Variants in B9D2 observed in about 807,000 individuals in gnomAD.
B9D2 encodes B9 domain containing 2, also known as B9 domain-containing protein 2.
Under a neutral mutation model 19.2 loss-of-function variants are expected in B9D2, and 21 were observed. The observed-to-expected ratio is 1.09, with a 90% CI of 0.78 to 1.58. The LOEUF (loss-of-function observed/expected upper bound fraction) is 1.58. Among genes scored for constraint, B9D2 ranks in the 40% most tolerant of loss-of-function variants. The pLI, the probability that B9D2 is intolerant of heterozygous loss-of-function variation, is 0.00. For missense variants in B9D2, 221 were observed against 244.3 expected, an observed-to-expected ratio of 0.90 and a Z score of 0.64; for synonymous variants, 91 against 100.6, an observed-to-expected ratio of 0.90 and a Z score of 0.57.
Position 41,363,531 on chromosome 19 carries a change from G to A in B9D2, c.-4-8C>T. On this transcript the variant is annotated splice_region_variant and splice_polypyrimidine_tract_variant and intron_variant, in intron 1 of 3. Coordinates refer to ENST00000243578, the MANE Select transcript of B9D2 (RefSeq NM_030578.4). ...TGCACCTCAGCCATGGCCCTGGGAG[G>A]GGAAAAATATAATCACAACCCTGTG... 2 of 1,612,942 alleles carry A rather than the reference G, an allele frequency of 1.2e-6. No individual in the cohort carries two copies. The highest frequency in any genetic ancestry group is 8.5e-7 in the Non-Finnish European group (1 of 1,179,112).
Position 41,354,563 on chromosome 19 carries a change from G to T in B9D2, c.*137C>A. 1.7e-6 allele frequency: 2 copies of T among 1,187,740 alleles called. No individual in the cohort carries two copies. The highest frequency in any genetic ancestry group is 2.4e-6 in the Non-Finnish European group (2 of 824,340). 73.6% of individuals were successfully genotyped at this position (1,187,740 alleles called of 1,614,324 possible). ...CAGAGGGACCCCGAGGTCCTAGAAA[G>T]GACAGAAGCGGTGCCATGCCTTAGC... On this transcript the variant is annotated 3_prime_UTR_variant, in exon 4 of 4. Transcript: ENST00000243578.
intron 1 of B9D2, 85 bp downstream of exon 1, chr19:41,363,873 C>T: frequency 2.0e-6 from 1 of 505,458 alleles, no homozygotes; most frequent in South Asian, 2.1e-5. Context: ...CTTCCCTCCC[C>T]CAGCAAGCTC....
chr19:41,357,768 C>T (rs2038337930), intron 3 of B9D2, 129 bp downstream of exon 3: 10 of 1,394,690 alleles, frequency 7.2e-6, no homozygotes, highest in East Asian at 2.3e-5. Context: ...CAGGGCCAGA[C>T]TTGGCTGCAA....
chr19:41,354,663 G>A lies in B9D2; in HGVS notation c.*37C>T, dbSNP rs781742743. The A allele has an allele frequency of 7.4e-6, 12 of 1,612,120 alleles. No individual in the cohort carries two copies. Among genetic ancestry groups the A allele is most frequent in the Middle Eastern group, 1.7e-4 (1 of 6,048 alleles). ...CATCCTCCCCCATCACTGGGTGTCCGGGGTGTGGATGGTGGTGACGTTGGA... is the reference window on the plus strand; with the variant it reads ...CATCCTCCCCCATCACTGGGTGTCCAGGGTGTGGATGGTGGTGACGTTGGA... On this transcript the variant is annotated 3_prime_UTR_variant, in exon 4 of 4. Transcript: ENST00000243578.
intron 2 of B9D2, among the ~76,000 whole-genome samples, chr19:41,360,252 T>A (rs2123138591): frequency 6.6e-6 from 1 of 152,270 alleles, no homozygotes; most frequent in East Asian, 1.9e-4. Flanking sequence ...CACAGCTCAC[T>A]ACAACCTTGA....
intron 3 of B9D2, among the ~76,000 whole-genome samples, chr19:41,357,468 G>A (rs867849420): frequency 3.3e-5 from 5 of 152,244 alleles, no homozygotes; most frequent in Middle Eastern, 3.4e-3. Context: ...TACTAGAAAG[G>A]CTTTCTGATG....
At chr19:41,359,418 C>T (rs888856714) in intron 2 of B9D2, among the ~76,000 whole-genome samples, 3 of 151,872 alleles carry the variant, frequency 2.0e-5, no homozygotes, top group African/African-American at 7.3e-5. Context: ...AACACACACA[C>T]ACACACCCAC....
intron 2 of B9D2, among the ~76,000 whole-genome samples, chr19:41,359,689 G>A (rs2123137293): frequency 6.6e-6 from 1 of 151,766 alleles, no homozygotes; most frequent in East Asian, 1.9e-4. Flanking sequence ...GGCAACAAGA[G>A]CGAAATTCCA....
intron 1 of B9D2, among the ~76,000 whole-genome samples, 173 bp from the exon 2 acceptor site, chr19:41,363,696 A>G (rs1332101205): frequency 1.3e-5 from 2 of 152,166 alleles, no homozygotes; most frequent in East Asian, 3.9e-4. Flanking sequence ...AACCCATGAA[A>G]GCCTGGAAAA....
At chr19:41,363,868 C>A in intron 1 of B9D2, 90 bp downstream of exon 1, 2 of 512,146 alleles carry the variant, frequency 3.9e-6, no homozygotes, top group South Asian at 4.2e-5. Flanking sequence ...CCCCGCTTCC[C>A]TCCCCCAGCA....
chr19:41,363,323 G>A (rs1041209309), intron 2 of B9D2, 109 bp downstream of exon 2: 1 of 1,118,540 alleles, frequency 8.9e-7, no homozygotes, highest in East Asian at 2.5e-5. Flanking sequence ...GGAGTACTGA[G>A]AACTGATGGA....
chr19:41,354,969 C>A lies in B9D2; in HGVS notation c.259G>T (p.Gly87Cys). The A allele has an allele frequency of 6.2e-7, 1 of 1,610,662 alleles. No individual in the cohort carries two copies. The highest frequency in any genetic ancestry group is 8.5e-7 in the Non-Finnish European group (1 of 1,178,282). Residue 87 changes from glycine to cysteine, a missense_variant, in exon 4 of 4, where the codon GGC becomes TGC. Gly to Cys is a radical substitution (Grantham distance 159). Transcript: ENST00000243578. ...HFQVWSQDSF[G>C]RCQLAGYGFC... is the part of the protein sequence containing the mutation. The stretch of plus-strand genomic sequence containing the variant: ...CCATAGCCTGCAAGCTGGCAGCGGC[C>A]AAAGCTGTCCTGGGACCACACCTGG...
rs536716803 is a variant in B9D2, at chr19:41,357,345, A to G, written c.214+552T>C. Among the ~76,000 whole-genome samples the G allele has an allele frequency of 2.6e-5, 4 of 152,302 alleles. No homozygotes were observed. In the South Asian group the frequency reaches 8.3e-4, roughly 32 times the overall value. ...ATGTCTCCCTGGCATCACCCAACACAGGCTGGACACAGGGCAGGTACCAGG... is the reference window on the plus strand; with the variant it reads ...ATGTCTCCCTGGCATCACCCAACACGGGCTGGACACAGGGCAGGTACCAGG... On this transcript the variant is annotated intron_variant, in intron 3 of 3. Coordinates refer to ENST00000243578, the MANE Select transcript of B9D2 (RefSeq NM_030578.4).
chr19:41,355,422 C>A (rs1042467661), intron 3 of B9D2, among the ~76,000 whole-genome samples: 1 of 79,292 alleles, frequency 1.3e-5, no homozygotes, highest in Non-Finnish European at 2.7e-5. Context: ...TCAGGGACAC[C>A]TCCTGCCTTC....
Position 41,363,482 on chromosome 19 carries a change from G to A in B9D2, c.38C>T (p.Ala13Val), listed in dbSNP as rs1568486521. The change falls in exon 2 of 4, where the codon GCC becomes GTC. Residue 13 changes from alanine (A) to valine (V), a missense_variant. Ala to Val is a moderately conservative substitution (Grantham distance 64). Transcript: ENST00000243578. Reference sequence around the variant, plus strand: ...GAGGCTACTTTCCGAGAAACCGCTGGCCCCTATGATCTGCCCGATCACGTG... The same window carrying A: ...GAGGCTACTTTCCGAGAAACCGCTGACCCCTATGATCTGCCCGATCACGTG... ...EVHVIGQIIGASGFSESSLFC... is the reference protein window; with the variant it reads ...EVHVIGQIIGVSGFSESSLFC... 12 of 1,614,016 alleles carry A rather than the reference G, an allele frequency of 7.4e-6. 1 individual carries two copies. The South Asian group carries it at 9.9e-5, about 13-fold the overall frequency.
In B9D2 at chr19:41,354,876, T is replaced by C. The variant is rs1235101054; in HGVS notation, c.352A>G (p.Ser118Gly). The stretch of plus-strand genomic sequence containing the variant: ...GCCCGTGCCAACTGTTCTCGCCAAC[T>C]GCCCAGGGGCCGCCACGTGGGGCAG... ...LACPTWRPLG[S>G]WREQLARAFV... Residue 118 changes from serine to glycine, a missense_variant, in exon 4 of 4, where the codon AGT becomes GGT. Coordinates refer to ENST00000243578, the MANE Select transcript of B9D2 (RefSeq NM_030578.4). 1 of 1,613,704 alleles carries C rather than the reference T, an allele frequency of 6.2e-7. No homozygotes were observed. Among genetic ancestry groups the C allele is most frequent in the African/African-American group, 1.3e-5 (1 of 74,932 alleles).
Position 41,363,588 on chromosome 19 carries a change from G to A in B9D2, c.-4-65C>T, listed in dbSNP as rs921417042. The A allele has an allele frequency of 1.2e-5, 17 of 1,424,514 alleles. No homozygotes were observed. In the South Asian group the frequency reaches 1.3e-4, roughly 11 times the overall value. The allele number at this position is 1,424,514 out of a possible 1,614,324, so 88.2% of individuals were successfully genotyped here. A position where few individuals can be genotyped will look rare whatever the true frequency, so the allele number is the denominator to read the frequency against. On this transcript the variant is annotated intron_variant, in intron 1 of 3. Coordinates refer to ENST00000243578, the MANE Select transcript of B9D2 (RefSeq NM_030578.4). ...GTGTATTATCTCCATTTGACGGGGGGGAAACTGAGGCCCAGCAAGTAAAGG... is the reference window on the plus strand; with the variant it reads ...GTGTATTATCTCCATTTGACGGGGGAGAAACTGAGGCCCAGCAAGTAAAGG...
intron 2 of B9D2, among the ~76,000 whole-genome samples, chr19:41,359,712 A>G (rs2123137360): frequency 6.6e-6 from 1 of 152,240 alleles, no homozygotes; most frequent in South Asian, 2.1e-4. Context: ...TAAAAAAAAA[A>G]AGAAAAGAAA....
chr19:41,363,130 C>A (rs2038439965), intron 2 of B9D2: 2 of 426,030 alleles, frequency 4.7e-6, no homozygotes, highest in Non-Finnish European at 8.7e-6. Context: ...TCTGTAGTCC[C>A]AGCTTCTCAG....
Sources: gnomAD v4.1 joint callset for allele counts (sites outside exome capture counted in the v4.1 genomes callset) on GRCh38, gnomAD v4.1.1 for gene constraint, MANE v1.5 for transcripts, NCBI Gene and HGNC (gene_info 2026-07-23, HGNC 2026-07-21) for gene names.